Variants in GCSAML observed in about 807,000 individuals in gnomAD.
GCSAML encodes germinal center associated signaling and motility like, also known as germinal center-associated signaling and motility-like protein.
In GCSAML, 9 loss-of-function variants were observed where a neutral mutation model predicts 13.0. The ratio of observed to expected loss-of-function variants is 0.69; its 90% CI spans 0.42 to 1.21. The LOEUF is 1.21. Among genes scored for constraint, GCSAML ranks in the 50% most tolerant of loss-of-function variants. The pLI, the probability that GCSAML is intolerant of heterozygous loss-of-function variation, is 0.00. For missense variants in GCSAML, 143 were observed against 153.4 expected (o/e 0.93, Z 0.36); for synonymous variants, 37 against 52.9 (o/e 0.70, Z 1.31).
chr1:247,538,480 T>C (rs1023385850), intron 2 of GCSAML, among the ~76,000 whole-genome samples: 47 of 152,316 alleles, frequency 3.1e-4, no homozygotes, highest in African/African-American at 1.1e-3. Flanking sequence ...CCTACACCCA[T>C]TCATATGTTG....
At chr1:247,552,456 C>T (rs1667808597) in intron 1 of GCSAML, among the ~76,000 whole-genome samples, 1 of 152,182 alleles carries the variant, frequency 6.6e-6, no homozygotes, top group Non-Finnish European at 1.5e-5. Flanking sequence ...GCCTAATTTG[C>T]AGCCTGATAA....
chr1:247,515,204 G>A (rs969970077), intron 1 of GCSAML, among the ~76,000 whole-genome samples: 2 of 152,204 alleles, frequency 1.3e-5, no homozygotes, highest in Admixed American at 6.5e-5. Flanking sequence ...AAGCTAAGGA[G>A]CCATTAGACA....
At chr1:247,541,314 A>G (rs760715444) in intron 2 of GCSAML, among the ~76,000 whole-genome samples, 1 of 152,202 alleles carries the variant, frequency 6.6e-6, no homozygotes, top group South Asian at 2.1e-4. Flanking sequence ...TCAAGTTTCC[A>G]TGGTATATCC....
chr1:247,565,051 A>C (rs771239402), intron 3 of GCSAML, among the ~76,000 whole-genome samples: 41 of 152,206 alleles, frequency 2.7e-4, no homozygotes, highest in Admixed American at 2.4e-3. Context: ...TCTGCACAGC[A>C]AAAATAACTA....
At chr1:247,550,897 C>A (rs1335593189) in intron 1 of GCSAML, among the ~76,000 whole-genome samples, 2 of 152,030 alleles carry the variant, frequency 1.3e-5, no homozygotes, top group Non-Finnish European at 2.9e-5. Flanking sequence ...GATATGGAAG[C>A]AAATTTTAAA....
At chr1:247,525,258 A>G (rs1039589818) in intron 1 of GCSAML, 3 of 152,234 alleles carry the variant, frequency 2.0e-5, no homozygotes, top group African/African-American at 7.2e-5. Context: ...ATCCTATGGC[A>G]GACACCAGCT....
In GCSAML at chr1:247,522,321, G is replaced by A. The variant is rs1344821792; in HGVS notation, c.-262-4619G>A. Among the ~76,000 whole-genome samples, 24 of 91,506 alleles carry A rather than the reference G, an allele frequency of 2.6e-4. 1 individual carries two copies. Among genetic ancestry groups the A allele is most frequent in the Non-Finnish European group, 4.1e-4 (17 of 41,670 alleles). 60.0% of individuals were successfully genotyped at this position (91,506 alleles called of 152,430 possible). ...TGGGGGGCGCCTCCACCTGGCCGCC[G>A]CCCCGTCTGGGAGGTGGGGGACGCC... On this transcript the variant is annotated intron_variant, in intron 1 of 5. Transcript: ENST00000366489.
Position 247,565,936 on chromosome 1 carries a change from G to A in GCSAML, c.145G>A (p.Glu49Lys), listed in dbSNP as rs200329506. 5.7e-4 allele frequency: 869 copies of A among 1,532,818 alleles called. 13 individuals carry two copies. The South Asian group carries it at 6.7e-3, about 12-fold the overall frequency. The allele number at this position is 1,532,818 out of a possible 1,614,324, so 95.0% of individuals were successfully genotyped here. A position where few individuals can be genotyped will look rare whatever the true frequency, so the allele number is the denominator to read the frequency against. ...KLQDQDKKSQ[E>K]VSSTSNQENE... Reference sequence around the variant, plus strand: ...TTTTTTTTTTAATTCTCCAGGCCAAGAAGTTTCATCCACTTCTAATCAGGT... The same window carrying A: ...TTTTTTTTTTAATTCTCCAGGCCAAAAAGTTTCATCCACTTCTAATCAGGT... Residue 49 changes from glutamate to lysine, a missense_variant, in exon 4 of 5, where the codon GAA (glutamate) becomes AAA (lysine). Physicochemically the swap from Glu to Lys is moderately conservative, Grantham distance 56. Transcript: ENST00000366488.
intron 1 of GCSAML, among the ~76,000 whole-genome samples, chr1:247,516,850 CTTTT>C (rs144300288): frequency 6.6e-6 from 1 of 151,942 alleles, no homozygotes; most frequent in African/African-American, 2.4e-5. Context: ...ACAGAAAATA[CTTTT>C]TTTTCAGTTA....
At chr1:247,556,152 G>C (rs1442759723) in intron 1 of GCSAML, among the ~76,000 whole-genome samples, 2 of 152,082 alleles carry the variant, frequency 1.3e-5, no homozygotes, top group Admixed American at 1.3e-4. Context: ...TTTGCATGTT[G>C]GGTCACAAGA....
intron 1 of GCSAML, among the ~76,000 whole-genome samples, chr1:247,512,765 C>T (rs115886698): frequency 1.0e-3 from 155 of 152,236 alleles, no homozygotes; most frequent in African/African-American, 3.4e-3. Flanking sequence ...AACAGTCAGG[C>T]TCCTCTATTG....
At chr1:247,513,410 G>A (rs1423661124) in intron 1 of GCSAML, among the ~76,000 whole-genome samples, 1 of 152,240 alleles carries the variant, frequency 6.6e-6, no homozygotes, top group African/African-American at 2.4e-5. Context: ...CTGGCAGTGA[G>A]AATTTCAAGC....
At chr1:247,545,188 C>A (rs1292295736), upstream of GCSAML, among the ~76,000 whole-genome samples, 1 of 152,212 alleles carries the variant, frequency 6.6e-6, no homozygotes, top group Non-Finnish European at 1.5e-5. Context: ...CCAATATTAT[C>A]TGCAAATGAG....
chr1:247,569,508 T>A (rs1668518359), intron 4 of GCSAML, among the ~76,000 whole-genome samples: 1 of 152,176 alleles, frequency 6.6e-6, no homozygotes, highest in Admixed American at 6.5e-5. Flanking sequence ...TAGATTACGT[T>A]TATTGATTTG....
chr1:247,539,574 T>A (rs1259951374), intron 2 of GCSAML, among the ~76,000 whole-genome samples: 4 of 152,088 alleles, frequency 2.6e-5, no homozygotes, highest in Non-Finnish European at 1.5e-5. Context: ...AATCTTAAAA[T>A]AAACTAGAAA....
chr1:247,531,786 A>G, intron 2 of GCSAML: 1 of 1,614,178 alleles, frequency 6.2e-7, no homozygotes, highest in Non-Finnish European at 8.5e-7. Context: ...CGTGGGAAGA[A>G]CAGGTGTTGA....
chr1:247,516,472 C>G (rs1405070543), intron 1 of GCSAML, among the ~76,000 whole-genome samples: 1 of 151,786 alleles, frequency 6.6e-6, no homozygotes, highest in Non-Finnish European at 1.5e-5. Flanking sequence ...ATGATGAGAT[C>G]TGCAGATACA....
At chr1:247,563,476 C>T in intron 2 of GCSAML, 114 bp from the exon 3 acceptor site, 1 of 566,800 alleles carries the variant, frequency 1.8e-6, no homozygotes, top group Non-Finnish European at 3.1e-6. Context: ...TTAATATTTG[C>T]ATGGAAAATC....
rs1164980142 is a variant in GCSAML, at chr1:247,577,277, A to T, written c.*2895A>T. 6.6e-6 allele frequency: 1 copy of T among 152,190 alleles called. No homozygotes were observed. Among genetic ancestry groups the T allele is most frequent in the Non-Finnish European group, 1.5e-5 (1 of 68,034 alleles). 9.4% of individuals were successfully genotyped at this position (152,190 alleles called of 1,614,324 possible). A position where few individuals can be genotyped will look rare whatever the true frequency, so the allele number is the denominator to read the frequency against. On this transcript the variant is annotated 3_prime_UTR_variant, in exon 5 of 5. Coordinates refer to ENST00000366488, the MANE Select transcript of GCSAML (RefSeq NM_145278.5). ...GAAAATGTAACCACTGTAAGGGTAGAGTTATAAGAATTTTGTCAAATGTAT... is the reference window on the plus strand; with the variant it reads ...GAAAATGTAACCACTGTAAGGGTAGTGTTATAAGAATTTTGTCAAATGTAT...
Sources: allele counts gnomAD v4.1 joint callset (sites outside exome capture counted in the v4.1 genomes callset), GRCh38; gene constraint gnomAD v4.1.1; transcripts MANE v1.5; gene names NCBI Gene and HGNC (gene_info 2026-07-23, HGNC 2026-07-21).